Variants in URB2 observed in about 807,000 individuals in gnomAD.
URB2 encodes URB2 ribosome biogenesis homolog.
In URB2, 86 loss-of-function variants were observed where a neutral mutation model predicts 120.9. The observed-to-expected ratio is 0.71, with a 90% CI of 0.60 to 0.85. The LOEUF (loss-of-function observed/expected upper bound fraction) is 0.85. URB2 is among the 40% of genes least tolerant of loss of function. The probability of loss-of-function intolerance (pLI) is 0.00; values close to 1 mark genes in which losing one functional copy is unlikely to be tolerated. For missense variants in URB2, 1,765 were observed against 1,836.5 expected, an observed-to-expected ratio of 0.96 and a Z score of 0.71; for synonymous variants, 755 against 758.4, an observed-to-expected ratio of 1.00 and a Z score of 0.07.
At chr1:229,649,371 T>C (rs1666219388) in intron 7 of URB2, among the ~76,000 whole-genome samples, 1 of 152,214 alleles carries the variant, frequency 6.6e-6, no homozygotes, top group African/African-American at 2.4e-5. Flanking sequence ...TGTATGTAAC[T>C]GTACAATATA....
At chr1:229,645,426 T>C (rs1230399445) in intron 5 of URB2, among the ~76,000 whole-genome samples, 1 of 152,178 alleles carries the variant, frequency 6.6e-6, no homozygotes, top group Non-Finnish European at 1.5e-5. Flanking sequence ...CTAATCCGAT[T>C]GTTTTCACAT....
At chr1:229,649,955 A>G (rs985072228) in intron 7 of URB2, among the ~76,000 whole-genome samples, 9 of 152,250 alleles carry the variant, frequency 5.9e-5, no homozygotes, top group South Asian at 4.1e-4. Context: ...CATCAGTATG[A>G]TAGCAAAGGA....
Position 229,637,559 on chromosome 1 carries a change from T to C in URB2, c.2946T>C (p.Ser982=), listed in dbSNP as rs550893513. 3 of 1,614,188 alleles carry C rather than the reference T, an allele frequency of 1.9e-6. No homozygotes were observed. The highest frequency in any genetic ancestry group is 4.5e-5 in the East Asian group (2 of 44,884). The change falls in exon 4 of 10, where the codon AGT becomes AGC. Residue 982 remains serine, a synonymous_variant. Coordinates refer to ENST00000258243, the MANE Select transcript of URB2 (RefSeq NM_014777.4). ...TACTGACCTCATTGTTCAGAGCTAG[T>C]AGTAGGTTCCTTATTGAGATGGATG... The part of the protein sequence containing the change: ...EVVLTSLFRA[S]SRFLIEMDDP...
Position 229,634,945 on chromosome 1 carries a change from C to G in URB2, c.332C>G (p.Ser111Cys), listed in dbSNP as rs1387122305. 6.5e-7 allele frequency: 1 copy of G among 1,538,872 alleles called. No individual in the cohort carries two copies. Among genetic ancestry groups the G allele is most frequent in the South Asian group, 1.2e-5 (1 of 80,182 alleles). ...KIINERVAEF[S>C]LSGSQRNICA... ...ATCAATGAGAGAGTAGCTGAGTTCT[C>G]TCTTTCGGGATCCCAAAGAAACATC... The change falls in exon 4 of 10, where the codon TCT becomes TGT. Residue 111 changes from serine (S) to cysteine (C), a missense_variant. Coordinates refer to ENST00000258243, the MANE Select transcript of URB2 (RefSeq NM_014777.4).
At position 229,654,631 on chromosome 1, in the gene URB2, T is replaced by G. The variant is rs558970644; in HGVS notation, c.4377+243T>G. Among the ~76,000 whole-genome samples the G allele has an allele frequency of 2.0e-5, 3 of 152,310 alleles. No homozygotes were observed. In the East Asian group the frequency reaches 5.8e-4, roughly 29 times the overall value. ...CCTCAGCCTCCCAAGTAGCTAGGAC[T>G]ACAGGCATGTACTACTCCACTCAGC... is the stretch of plus-strand genomic sequence containing the variant. On this transcript the variant is annotated intron_variant, in intron 9 of 9. Transcript: ENST00000258243.
At chr1:229,639,336 CTTTTTT>C (rs200235230) in intron 4 of URB2, among the ~76,000 whole-genome samples, 2 of 135,112 alleles carry the variant, frequency 1.5e-5, no homozygotes, top group African/African-American at 5.5e-5. Flanking sequence ...CACTTAATTT[CTTTTTT>C]TTTTTTTTTT....
At chr1:229,639,355 G>C (rs1236822357) in intron 4 of URB2, among the ~76,000 whole-genome samples, 1 of 131,212 alleles carries the variant, frequency 7.6e-6, no homozygotes, top group African/African-American at 2.9e-5. Context: ...TTTTTTTTGA[G>C]ATGGAGTCTC....
intron 1 of URB2, 39 bp from the exon 2 acceptor site, chr1:229,627,582 T>C (rs545244815): frequency 5.4e-5 from 86 of 1,595,100 alleles, no homozygotes; most frequent in Non-Finnish European, 3.8e-5. Flanking sequence ...AGTCTGACAT[T>C]GTTATAGTAT....
chr1:229,633,800 G>A (rs573757749), intron 3 of URB2, among the ~76,000 whole-genome samples: 4 of 152,298 alleles, frequency 2.6e-5, no homozygotes, highest in African/African-American at 9.6e-5. Flanking sequence ...TAGATTTGCT[G>A]TATAATAAGC....
In URB2 at chr1:229,642,752, A is replaced by G. The variant is rs1558168118; in HGVS notation, c.3635-781A>G. On this transcript the variant is annotated intron_variant, in intron 4 of 9. Coordinates refer to ENST00000258243, the MANE Select transcript of URB2 (RefSeq NM_014777.4). ...AGCCCTACCGATTTTATAAAGAAAC[A>G]CAAAGAAAATAGAGAAATAAAATAC... Among the ~76,000 whole-genome samples the G allele has an allele frequency of 2.0e-5, 3 of 152,332 alleles. No individual in the cohort carries two copies. In the South Asian group the frequency reaches 6.2e-4, roughly 32 times the overall value.
rs558218931 is a variant in URB2 at position 229,640,309 on chromosome 1, T to C, written c.3634+2062T>C. Among the ~76,000 whole-genome samples the C allele has an allele frequency of 4.5e-4, 68 of 152,336 alleles. 1 individual carries two copies. Among genetic ancestry groups the C allele is most frequent in the African/African-American group, 1.6e-3 (67 of 41,564 alleles). On this transcript the variant is annotated intron_variant, in intron 4 of 9. Transcript: ENST00000258243. ...AGTTTGTTGAGGTTTTCCTCTACAGTGAAGGATGATTAAGATTTGTTACCT... is the reference window on the plus strand; with the variant it reads ...AGTTTGTTGAGGTTTTCCTCTACAGCGAAGGATGATTAAGATTTGTTACCT...
chr1:229,649,678 C>T (rs6696449), intron 7 of URB2, among the ~76,000 whole-genome samples: 58,947 of 151,956 alleles, frequency 0.39, 11,986 homozygotes, highest in South Asian at 0.47. Flanking sequence ...GATGTAAACA[C>T]GCAGCCAGAA....
intron 3 of URB2, among the ~76,000 whole-genome samples, chr1:229,634,293 C>T (rs1273608660): frequency 1.3e-5 from 2 of 152,052 alleles, no homozygotes; most frequent in Non-Finnish European, 2.9e-5. Flanking sequence ...GCAACCTCTG[C>T]CTCCCAGGTT....
chr1:229,643,520 C>T lies in URB2; in HGVS notation c.3635-13C>T, dbSNP rs200388184. ...TGTCACATCTTAACAATTTTGGTTT[C>T]TTTCCCACACAGATCCTGAAATTCC... On this transcript the variant is annotated splice_polypyrimidine_tract_variant and intron_variant, in intron 4 of 9. Transcript: ENST00000258243. 8.1e-6 allele frequency: 13 copies of T among 1,613,826 alleles called. No homozygotes were observed. The African/African-American group carries it at 1.6e-4, about 20-fold the overall frequency.
At chr1:229,627,514 A>T in intron 1 of URB2, 107 bp from the exon 2 acceptor site, 1 of 1,058,410 alleles carries the variant, frequency 9.4e-7, no homozygotes, top group Non-Finnish European at 1.3e-6. Flanking sequence ...TTAAAAGAAT[A>T]CATATTAGGT....
chr1:229,644,019 A>G (rs1232268912), intron 5 of URB2, among the ~76,000 whole-genome samples: 1 of 152,276 alleles, frequency 6.6e-6, no homozygotes, highest in African/African-American at 2.4e-5. Flanking sequence ...GACCTCTCAC[A>G]CCATACTTCT....
At chr1:229,644,397 CAA>C (rs1278207231) in intron 5 of URB2, among the ~76,000 whole-genome samples, 1 of 152,182 alleles carries the variant, frequency 6.6e-6, no homozygotes, top group Non-Finnish European at 1.5e-5. Context: ...GGAGAGGAAA[CAA>C]ACCTAAATTT....
At chr1:229,645,546 TCA>T (rs1666119949) in intron 5 of URB2, among the ~76,000 whole-genome samples, 1 of 152,028 alleles carries the variant, frequency 6.6e-6, no homozygotes, top group Non-Finnish European at 1.5e-5. Context: ...TGTAATTAGG[TCA>T]CAGTGTGTGA....
intron 9 of URB2, among the ~76,000 whole-genome samples, chr1:229,655,637 T>G (rs10495286): frequency 0.1 from 15,736 of 152,254 alleles, 1,332 homozygotes; most frequent in East Asian, 0.42. Flanking sequence ...TGTAAATCTA[T>G]GCTGTATAAA....
Sources: gnomAD v4.1 joint callset for allele counts (sites outside exome capture counted in the v4.1 genomes callset) on GRCh38, gnomAD v4.1.1 for gene constraint, MANE v1.5 for transcripts, NCBI Gene and HGNC (gene_info 2026-07-23, HGNC 2026-07-21) for gene names.